Variants in PDLIM2 observed in about 807,000 individuals in gnomAD.
The protein encoded by PDLIM2 is PDZ and LIM domain protein 2.
PDLIM2 carries 51 observed loss-of-function variants against 54.1 expected under a neutral mutation model. The ratio of observed to expected loss-of-function variants is 0.94; its 90% CI spans 0.75 to 1.19. PDLIM2 has a LOEUF of 1.19. Among genes scored for constraint, PDLIM2 ranks in the 50% most tolerant of loss-of-function variants. The pLI is 0.00. For missense variants in PDLIM2, 912 were observed against 874.0 expected (o/e 1.04, Z -0.55); for synonymous variants, 398 against 385.6 (o/e 1.03, Z -0.38).
chr8:22,585,924 G>A lies in PDLIM2; in HGVS notation c.1290+525G>A, dbSNP rs552331024. Among the ~76,000 whole-genome samples the A allele has an allele frequency of 1.7e-3, 255 of 148,050 alleles. 1 individual carries two copies. Among genetic ancestry groups the A allele is most frequent in the Non-Finnish European group, 1.4e-3 (93 of 67,124 alleles). On this transcript the variant is annotated intron_variant, in intron 6 of 9. Coordinates refer to ENST00000308354, the Ensembl canonical transcript of PDLIM2. ...TCTGTCTCCTCCTCCCCCTACCCCC[G>A]CCAGCTCCCCTGGACTCTCTTTCAG... is the stretch of plus-strand genomic sequence containing the variant.
intron 3 of PDLIM2, among the ~76,000 whole-genome samples, chr8:22,584,051 G>GA (rs1233894764): frequency 4.6e-5 from 7 of 151,858 alleles, no homozygotes; most frequent in Admixed American, 4.6e-4. Flanking sequence ...GCCCAGCCTG[G>GA]AGTGCAGTGG....
chr8:22,589,734 G>C, exon 8 of PDLIM2: 1 of 1,565,602 alleles, frequency 6.4e-7, no homozygotes, highest in African/African-American at 1.4e-5. Context: ...TGGAGGCTGA[G>C]GAGAGAGGTG....
At chr8:22,591,364 C>A (rs1017583087) in intron 8 of PDLIM2, 187 bp from the exon 8 acceptor site, 1 of 630,936 alleles carries the variant, frequency 1.6e-6, no homozygotes, top group African/African-American at 1.8e-5. Context: ...CTGCCTCCTT[C>A]ATGCCCTTGC....
intron 5 of PDLIM2, 47 bp downstream of exon 4, chr8:22,585,209 T>A (rs1245175551): frequency 7.5e-6 from 12 of 1,606,854 alleles, no homozygotes; most frequent in Non-Finnish European, 8.5e-6. Flanking sequence ...CGCTGCCAGC[T>A]CCAGGCTGGC....
chr8:22,589,734 G>A (rs1800485936), exon 8 of PDLIM2: 2 of 1,565,602 alleles, frequency 1.3e-6, no homozygotes, highest in Admixed American at 1.9e-5. Context: ...TGGAGGCTGA[G>A]GAGAGAGGTG....
At chr8:22,583,908 C>T (rs1243831875) in intron 3 of PDLIM2, among the ~76,000 whole-genome samples, 1 of 139,402 alleles carries the variant, frequency 7.2e-6, no homozygotes, top group East Asian at 2.3e-4. Flanking sequence ...TGAGGACTCT[C>T]TAATAAAACT....
In PDLIM2 at chr8:22,585,004, ACT is replaced by A. The variant is rs1363118037; in HGVS notation, c.1066-7_1066-6del. On this transcript the variant is annotated splice_polypyrimidine_tract_variant and intron_variant, in intron 4 of 9. Coordinates refer to ENST00000308354, the Ensembl canonical transcript of PDLIM2. Reference sequence around the variant, plus strand: ...CAGCCCTGCCTTTCCTGACACAGTCACTCTCTCCACAGGGCTCCGTGAGGACA... The same window carrying A: ...CAGCCCTGCCTTTCCTGACACAGTCACTCTCCACAGGGCTCCGTGAGGACA... 6.2e-7 allele frequency: 1 copy of A among 1,613,058 alleles called. No individual in the cohort carries two copies. Among genetic ancestry groups the A allele is most frequent in the Admixed American group, 1.7e-5 (1 of 59,972 alleles).
chr8:22,579,267 C>G, exon 1 of PDLIM2: 1 of 1,361,864 alleles, frequency 7.3e-7, no homozygotes, highest in Non-Finnish European at 9.4e-7. Context: ...CCCGCCCTCC[C>G]CGGCGCCGGG....
At chr8:22,582,079 A>G (rs1800219981) in intron 3 of PDLIM2, among the ~76,000 whole-genome samples, 2 of 152,184 alleles carry the variant, frequency 1.3e-5, no homozygotes, top group Non-Finnish European at 2.9e-5. Context: ...AGGTGGGGCC[A>G]GGGTGGGGCC....
At position 22,591,602 on chromosome 8, in the gene PDLIM2, C is replaced by T. The variant is rs751937362; in HGVS notation, c.1565C>T (p.Pro522Leu). Residue 522 changes from proline to leucine, a missense_variant, in exon 9 of 10, where the codon CCC (proline) becomes CTC (leucine). Coordinates refer to ENST00000308354, the Ensembl canonical transcript of PDLIM2. ...TCACTGAGCCCCCAGTCCTCCCTGC[C>T]CGCCTCCAGGGCCCTGGCCACCCCT... 5.0e-6 allele frequency: 8 copies of T among 1,613,678 alleles called. No individual in the cohort carries two copies. The highest frequency in any genetic ancestry group is 4.5e-5 in the East Asian group (2 of 44,892).
At chr8:22,579,563 G>C in intron 1 of PDLIM2, 1 of 1,437,912 alleles carries the variant, frequency 7.0e-7, no homozygotes. Context: ...AGCCGGCCTC[G>C]GGGACTGGGG....
intron 6 of PDLIM2, among the ~76,000 whole-genome samples, chr8:22,586,255 C>T (rs954677041): frequency 1.1e-4 from 16 of 152,194 alleles, no homozygotes; most frequent in Non-Finnish European, 2.2e-4. Flanking sequence ...TTCCGAACAG[C>T]GGCTGCCTAG....
chr8:22,594,009 C>G, exon 10 of PDLIM2: 1 of 1,473,436 alleles, frequency 6.8e-7, no homozygotes, highest in East Asian at 2.5e-5. Flanking sequence ...CTTACATGAG[C>G]TAAGTTTGGA....
chr8:22,585,411 T>G lies in PDLIM2; in HGVS notation c.1290+12T>G. ...CTGGAAGCCGACAGGTGAGGCTCCC[T>G]GGGGGAGGACAGGCTGGAGGAACAG... On this transcript the variant is annotated intron_variant, in intron 6 of 9. Coordinates refer to ENST00000308354, the Ensembl canonical transcript of PDLIM2. 1.9e-6 allele frequency: 3 copies of G among 1,602,518 alleles called. No homozygotes were observed. Among genetic ancestry groups the G allele is most frequent in the South Asian group, 2.2e-5 (2 of 89,600 alleles).
At chr8:22,579,300 C>A in exon 1 of PDLIM2, 1 of 1,400,670 alleles carries the variant, frequency 7.1e-7, no homozygotes, top group Non-Finnish European at 9.2e-7. Flanking sequence ...CCCCTGTCGG[C>A]GCGGAACCCT....
At chr8:22,579,317 G>A in exon 1 of PDLIM2, 1 of 1,423,926 alleles carries the variant, frequency 7.0e-7, no homozygotes. Context: ...CCCTGGCCTC[G>A]TCCGCGGCCC....
intron 3 of PDLIM2, among the ~76,000 whole-genome samples, chr8:22,583,974 A>G (rs1384104864): frequency 2.0e-5 from 3 of 149,462 alleles, no homozygotes; most frequent in African/African-American, 7.4e-5. Context: ...GAACCAAACT[A>G]TCCTTTCTTT....
At chr8:22,591,502 T>C in intron 8 of PDLIM2, 49 bp from the exon 8 acceptor site, 1 of 1,517,226 alleles carries the variant, frequency 6.6e-7, no homozygotes, top group South Asian at 1.1e-5. Flanking sequence ...TTTGGGAGGA[T>C]GCTGTGGTTG....
At chr8:22,580,409 A>C (rs1450961944) in intron 1 of PDLIM2, 66 bp from the exon 1 acceptor site, 1 of 1,344,888 alleles carries the variant, frequency 7.4e-7, no homozygotes, top group African/African-American at 1.5e-5. Flanking sequence ...ATGGCTTCCC[A>C]GGGTGGGGGG....
Sources: allele counts gnomAD v4.1 joint callset (sites outside exome capture counted in the v4.1 genomes callset), GRCh38; gene constraint gnomAD v4.1.1; transcripts MANE v1.5; gene names NCBI Gene and HGNC (gene_info 2026-07-23, HGNC 2026-07-21).